The following GALNT2 variants were observed in gnomAD, a reference collection of about 807,000 sequenced individuals.
The protein encoded by GALNT2 is UDP-GalNAc:polypeptide N-acetylgalactosaminyltransferase 2.
A neutral mutation model predicts 81.4 loss-of-function variants in GALNT2; 31 were observed. That is an observed-to-expected ratio of 0.38 (90% CI 0.29 to 0.51). The LOEUF is 0.51. Among genes scored for constraint, GALNT2 ranks in the 20% least tolerant of loss-of-function variants. The pLI is 0.87. For missense variants in GALNT2, 629 were observed against 765.7 expected (o/e 0.82, Z 2.11); for synonymous variants, 303 against 287.4 (o/e 1.05, Z -0.55).
chr1:230,226,673 C>G (rs1218316079), intron 3 of GALNT2, among the ~76,000 whole-genome samples: 2 of 152,190 alleles, frequency 1.3e-5, no homozygotes, highest in South Asian at 2.1e-4. Flanking sequence ...GCAGGGGCCT[C>G]GCCACTCTCT....
chr1:230,203,505 G>T (rs1259931240), intron 3 of GALNT2, among the ~76,000 whole-genome samples: 2 of 152,230 alleles, frequency 1.3e-5, no homozygotes, highest in African/African-American at 4.8e-5. Context: ...TAGGTGCCCT[G>T]TGGCAGTGTG....
chr1:230,230,085 C>T (rs564480865), intron 3 of GALNT2, among the ~76,000 whole-genome samples: 50 of 152,316 alleles, frequency 3.3e-4, no homozygotes, highest in African/African-American at 1.2e-3. Flanking sequence ...TATCTCTAAA[C>T]TTTATGCGTG....
At chr1:230,132,164 C>T (rs190197682) in intron 1 of GALNT2, among the ~76,000 whole-genome samples, 2 of 152,298 alleles carry the variant, frequency 1.3e-5, no homozygotes, top group Non-Finnish European at 2.9e-5. Context: ...TCCCTTCAAT[C>T]AGTCTCGTAA....
chr1:230,215,353 G>T (rs942069939), intron 3 of GALNT2, among the ~76,000 whole-genome samples: 4 of 152,220 alleles, frequency 2.6e-5, no homozygotes, highest in African/African-American at 7.2e-5. Flanking sequence ...AAGAGGATCA[G>T]AGAATGTTGG....
upstream of GALNT2, among the ~76,000 whole-genome samples, chr1:230,067,038 G>A (rs866225707): frequency 3.4e-5 from 5 of 148,076 alleles, no homozygotes; most frequent in Admixed American, 6.7e-5. Context: ...TTTGCTCCCT[G>A]ACCCCCCTCG....
intron 1 of GALNT2, among the ~76,000 whole-genome samples, chr1:230,169,623 A>C (rs942730149): frequency 6.6e-6 from 1 of 151,768 alleles, no homozygotes; most frequent in Non-Finnish European, 1.5e-5. Context: ...CTGTTAGAGA[A>C]GTTAAATGGT....
chr1:230,170,866 C>G (rs1165260960), intron 1 of GALNT2, among the ~76,000 whole-genome samples: 1 of 152,110 alleles, frequency 6.6e-6, no homozygotes, highest in Non-Finnish European at 1.5e-5. Context: ...ATGAGGGATC[C>G]ACCCCCATGA....
At chr1:230,215,004 C>T (rs1190504300) in intron 3 of GALNT2, among the ~76,000 whole-genome samples, 1 of 152,074 alleles carries the variant, frequency 6.6e-6, no homozygotes, top group Non-Finnish European at 1.5e-5. Flanking sequence ...CTTTTTCCTC[C>T]AAAGAGGATT....
chr1:230,240,953 T>TTCAC (rs2102739737), intron 6 of GALNT2, among the ~76,000 whole-genome samples: 1 of 152,352 alleles, frequency 6.6e-6, no homozygotes, highest in South Asian at 2.1e-4. Flanking sequence ...CATCTTCAAG[T>TTCAC]TCACTAGTCA....
chr1:230,102,457 A>G (rs921006728), intron 1 of GALNT2, among the ~76,000 whole-genome samples: 1 of 152,102 alleles, frequency 6.6e-6, no homozygotes, highest in African/African-American at 2.4e-5. Context: ...GCCCAAATGG[A>G]TCATTTCCTT....
Position 230,280,413 on chromosome 1 carries a change from G to T in GALNT2, c.*955G>T. ...ACTTATTTTGACAGATATCACTTTG[G>T]GTCTTTTTACATTAAATTTCTTTTC... On this transcript the variant is annotated 3_prime_UTR_variant, in exon 16 of 16. Coordinates refer to ENST00000366672, the MANE Select transcript of GALNT2 (RefSeq NM_004481.5). The T allele has an allele frequency of 5.3e-6, 1 of 189,076 alleles. No individual in the cohort carries two copies. Among genetic ancestry groups the T allele is most frequent in the Non-Finnish European group, 1.1e-5 (1 of 88,748 alleles). The allele number at this position is 189,076 out of a possible 1,614,324, so 11.7% of individuals were successfully genotyped here. A position where few individuals can be genotyped will look rare whatever the true frequency, so the allele number is the denominator to read the frequency against.
chr1:230,094,677 C>G (rs1212946246), intron 1 of GALNT2, among the ~76,000 whole-genome samples: 3 of 152,150 alleles, frequency 2.0e-5, no homozygotes, highest in African/African-American at 7.2e-5. Context: ...CCCAACACAT[C>G]TGGACAGCTG....
At chr1:230,207,865 G>T (rs1238730417) in intron 3 of GALNT2, among the ~76,000 whole-genome samples, 1 of 152,184 alleles carries the variant, frequency 6.6e-6, no homozygotes, top group Non-Finnish European at 1.5e-5. Flanking sequence ...GTAAGTGTGA[G>T]CCACGGCATT....
rs1665028399 is a variant in GALNT2, at chr1:230,236,292, C to T, written c.474-61C>T. Reference sequence around the variant, plus strand: ...GACCAACATATGAGAATTTTCTACCCCAGGCTAAAAGTTTATACCCCTAAA... The same window carrying T: ...GACCAACATATGAGAATTTTCTACCTCAGGCTAAAAGTTTATACCCCTAAA... On this transcript the variant is annotated intron_variant, in intron 4 of 15. Coordinates refer to ENST00000366672, the MANE Select transcript of GALNT2 (RefSeq NM_004481.5). 2.6e-6 allele frequency: 4 copies of T among 1,536,452 alleles called. No individual in the cohort carries two copies. The South Asian group carries it at 3.4e-5, about 13-fold the overall frequency.
chr1:230,168,802 A>G (rs1014522026), intron 1 of GALNT2, among the ~76,000 whole-genome samples: 12 of 152,226 alleles, frequency 7.9e-5, no homozygotes, highest in African/African-American at 2.7e-4. Context: ...TTACATCAGT[A>G]TGATTCATTT....
At chr1:230,149,308 A>G (rs1364866486) in intron 1 of GALNT2, among the ~76,000 whole-genome samples, 2 of 152,062 alleles carry the variant, frequency 1.3e-5, no homozygotes, top group Non-Finnish European at 2.9e-5. Context: ...GAGGCCACCT[A>G]GATTGGACTT....
intron 1 of GALNT2, among the ~76,000 whole-genome samples, chr1:230,132,835 A>G (rs1262855275): frequency 1.3e-5 from 2 of 152,128 alleles, no homozygotes; most frequent in East Asian, 1.9e-4. Context: ...TTGCCCTGGA[A>G]TTGTGTTTCT....
rs368786508 is a variant in GALNT2, at chr1:230,215,525, A to G, written c.374+12235A>G. On this transcript the variant is annotated intron_variant, in intron 3 of 15. Transcript: ENST00000366672. Reference sequence around the variant, plus strand: ...GTCTACAGCAAGGAACTTTACTGTCACTGGAAGCAGGAAAAACACCTGAGT... The same window carrying G: ...GTCTACAGCAAGGAACTTTACTGTCGCTGGAAGCAGGAAAAACACCTGAGT... Among the ~76,000 whole-genome samples, 6 of 152,324 alleles carry G rather than the reference A, an allele frequency of 3.9e-5. No homozygotes were observed. The East Asian group carries it at 1.2e-3, about 29-fold the overall frequency.
At chr1:230,162,748 G>T (rs1662474260) in intron 1 of GALNT2, among the ~76,000 whole-genome samples, 2 of 152,186 alleles carry the variant, frequency 1.3e-5, no homozygotes, top group Non-Finnish European at 1.5e-5. Context: ...TCCAGAGAGG[G>T]TCTTGCCCCA....
Sources: gnomAD v4.1 joint callset for allele counts (sites outside exome capture counted in the v4.1 genomes callset) on GRCh38, gnomAD v4.1.1 for gene constraint, MANE v1.5 for transcripts, NCBI Gene and HGNC (gene_info 2026-07-23, HGNC 2026-07-21) for gene names.